CPEB1: variants seen among roughly 807,000 people sequenced by gnomAD.
CPEB1 encodes the protein cytoplasmic polyadenylation element binding protein 1, also known as cytoplasmic polyadenylation element-binding protein 1.
A neutral mutation model predicts 65.8 loss-of-function variants in CPEB1; 7 were observed. The ratio of observed to expected loss-of-function variants is 0.11; its 90% CI spans 0.06 to 0.20. CPEB1 has a LOEUF of 0.20. Among genes scored for constraint, CPEB1 ranks in the 10% least tolerant of loss-of-function variants. The pLI is 1.00. For synonymous variants in CPEB1, 262 were observed against 260.0 expected, an observed-to-expected ratio of 1.01 and a Z score of -0.08; for missense variants, 551 against 712.2, an observed-to-expected ratio of 0.77 and a Z score of 2.58.
intron 9 of CPEB1, among the ~76,000 whole-genome samples, chr15:82,551,649 C>T (rs189534645): frequency 2.6e-5 from 4 of 152,186 alleles, no homozygotes; most frequent in Admixed American, 1.3e-4. Context: ...GAAGAGGAAA[C>T]AAAGTTTCAG....
intron 3 of CPEB1, among the ~76,000 whole-genome samples, chr15:82,592,199 G>A (rs2042310770): frequency 6.6e-6 from 1 of 152,038 alleles, no homozygotes. Context: ...ATATATATGG[G>A]TATACCCTGG....
At chr15:82,612,874 C>G (rs955160098) in intron 3 of CPEB1, among the ~76,000 whole-genome samples, 1 of 151,778 alleles carries the variant, frequency 6.6e-6, no homozygotes, top group Non-Finnish European at 1.5e-5. Context: ...ACAAAACAAA[C>G]AAACAAAAAA....
intron 1 of CPEB1, among the ~76,000 whole-genome samples, chr15:82,640,011 C>A (rs957007879): frequency 6.6e-6 from 1 of 152,184 alleles, no homozygotes; most frequent in Non-Finnish European, 1.5e-5. Context: ...ACCCCACGTG[C>A]CTTTTCCCTT....
chr15:82,639,498 TC>T (rs953190876), intron 1 of CPEB1, among the ~76,000 whole-genome samples: 1 of 151,958 alleles, frequency 6.6e-6, no homozygotes, highest in African/African-American at 2.4e-5. Context: ...TTTTTTTTTT[TC>T]CCCACTTAAC....
chr15:82,571,440 A>T lies in CPEB1; in HGVS notation c.364T>A (p.Leu122Met), dbSNP rs1370982565. ...SSRGLPDAND[L>M]CLGLQSLSLT... ...CTGAGGGACTGCAGGCCAAGGCACA[A>T]GTCATTTGCATCTGGGAGGCCACGG... Residue 122 changes from leucine (L) to methionine (M), a missense_variant, in exon 4 of 13, where the codon TTG (leucine) becomes ATG (methionine). Leu to Met is a conservative substitution (Grantham distance 15). Transcript: ENST00000684509. 2 of 1,614,026 alleles carry T rather than the reference A, an allele frequency of 1.2e-6. No homozygotes were observed. The highest frequency in any genetic ancestry group is 1.7e-5 in the Admixed American group (1 of 60,006).
chr15:82,591,415 C>A (rs1303529121), intron 3 of CPEB1, among the ~76,000 whole-genome samples: 3 of 152,096 alleles, frequency 2.0e-5, no homozygotes, highest in African/African-American at 7.2e-5. Context: ...CGGGCGCCTG[C>A]CACCATGCCC....
At chr15:82,631,120 G>C (rs924842264) in intron 1 of CPEB1, among the ~76,000 whole-genome samples, 26 of 152,004 alleles carry the variant, frequency 1.7e-4, no homozygotes, top group South Asian at 2.1e-4. Flanking sequence ...TGGGAGTCTG[G>C]GAGAAAGGTA....
intron 1 of CPEB1, 101 bp from the exon 2 acceptor site, chr15:82,628,657 C>T (rs1009540625): frequency 3.5e-6 from 2 of 570,442 alleles, no homozygotes; most frequent in Non-Finnish European, 3.1e-6. Context: ...TAAAGTTACA[C>T]TGACTGTGCC....
intron 3 of CPEB1, among the ~76,000 whole-genome samples, chr15:82,587,187 A>T (rs2041871909): frequency 6.6e-6 from 1 of 152,206 alleles, no homozygotes; most frequent in Non-Finnish European, 1.5e-5. Flanking sequence ...CCATTTAGGT[A>T]ATTTTTTCTT....
chr15:82,629,492 TTC>T, intron 1 of CPEB1: 2 of 985,260 alleles, frequency 2.0e-6, no homozygotes, highest in Non-Finnish European at 2.4e-6. Flanking sequence ...ACAAAAACTA[TTC>T]TTTTGGTATT....
chr15:82,612,272 G>A (rs1281416034), intron 3 of CPEB1, among the ~76,000 whole-genome samples: 1 of 151,994 alleles, frequency 6.6e-6, no homozygotes, highest in Non-Finnish European at 1.5e-5. Context: ...TGAGGCGGGT[G>A]GATTGCCTGA....
At chr15:82,632,128 C>T (rs112886570) in intron 1 of CPEB1, among the ~76,000 whole-genome samples, 3,352 of 151,720 alleles carry the variant, frequency 0.022, 111 homozygotes, top group African/African-American at 0.077. Flanking sequence ...ACTACATACG[C>T]CCGCCACCAC....
chr15:82,572,951 G>T lies in CPEB1; in HGVS notation c.272-1419C>A, dbSNP rs562737368. On this transcript the variant is annotated intron_variant, in intron 3 of 12. Transcript: ENST00000684509. ...TCCAACATGAGCCCAGGGTCACTGG[G>T]CTTCTTCCTCATAAAGGAGGGTAGG... 2.8e-5 allele frequency: 37 copies of T among 1,318,660 alleles called. No homozygotes were observed. The African/African-American group carries it at 4.8e-4, about 17-fold the overall frequency. 81.7% of individuals were successfully genotyped at this position (1,318,660 alleles called of 1,614,324 possible).
At chr15:82,546,340 C>T in intron 12 of CPEB1, 101 bp downstream of exon 12, 1 of 895,350 alleles carries the variant, frequency 1.1e-6, no homozygotes, top group Non-Finnish European at 1.8e-6. Flanking sequence ...CCTGATCCGC[C>T]CACCTTGGCA....
At chr15:82,571,081 C>T (rs1432976398) in intron 4 of CPEB1, among the ~76,000 whole-genome samples, 1 of 152,190 alleles carries the variant, frequency 6.6e-6, no homozygotes. Context: ...GGGGACCCTC[C>T]TCAGGGCCAC....
At chr15:82,580,700 G>A (rs1350430129) in intron 3 of CPEB1, among the ~76,000 whole-genome samples, 2 of 151,934 alleles carry the variant, frequency 1.3e-5, no homozygotes, top group Non-Finnish European at 1.5e-5. Context: ...CTAGCCCCTG[G>A]TTACCATTAT....
rs148757460 is a variant in CPEB1, at chr15:82,568,474, G to A, written c.460+2870C>T. Among the ~76,000 whole-genome samples, 244 of 152,268 alleles carry A rather than the reference G, an allele frequency of 1.6e-3. 1 individual carries two copies. The highest frequency in any genetic ancestry group is 5.6e-3 in the African/African-American group (233 of 41,540). ...ATCAAGGGATAGTGCCTCAGGGTAG[G>A]CACAGTCTAGAAGAGAAGGACCCCA... On this transcript the variant is annotated intron_variant, in intron 4 of 12. Coordinates refer to ENST00000684509, the MANE Select transcript of CPEB1 (RefSeq NM_001365242.1).
chr15:82,636,373 G>C (rs1047063334), intron 1 of CPEB1, among the ~76,000 whole-genome samples: 1 of 152,108 alleles, frequency 6.6e-6, no homozygotes, highest in African/African-American at 2.4e-5. Flanking sequence ...CATCTTTGTA[G>C]GATCTGACCC....
intron 4 of CPEB1, among the ~76,000 whole-genome samples, chr15:82,566,319 C>T (rs2039113248): frequency 6.6e-6 from 1 of 152,138 alleles, no homozygotes; most frequent in Non-Finnish European, 1.5e-5. Context: ...GGGGAAAATC[C>T]AGACCAGGAG....
Sources: allele counts gnomAD v4.1 joint callset (sites outside exome capture counted in the v4.1 genomes callset), GRCh38; gene constraint gnomAD v4.1.1; transcripts MANE v1.5; gene names NCBI Gene and HGNC (gene_info 2026-07-23, HGNC 2026-07-21).